Variants in PCDHGA9 observed in about 807,000 individuals in gnomAD.
PCDHGA9 encodes protocadherin gamma subfamily A, 9.
Under a neutral mutation model 62.5 loss-of-function variants are expected in PCDHGA9, and 37 were observed. The observed-to-expected ratio is 0.59, with a 90% CI of 0.46 to 0.78. The LOEUF is 0.78. Among genes scored for constraint, PCDHGA9 ranks in the 30% least tolerant of loss-of-function variants. PCDHGA9 has a pLI of 0.00. For synonymous variants in PCDHGA9, 459 were observed against 484.6 expected (o/e 0.95, Z 0.69); for missense variants, 1,138 against 1,166.2 (o/e 0.98, Z 0.35).
intron 1 of PCDHGA9, among the ~76,000 whole-genome samples, chr5:141,406,468 T>C (rs2094813433): frequency 6.6e-6 from 1 of 152,230 alleles, no homozygotes; most frequent in Admixed American, 6.5e-5. Flanking sequence ...AACACCTCTT[T>C]GAGGTTATAT....
rs112156044 is a variant in PCDHGA9, at chr5:141,476,771, G to C, written c.2425-18036G>C. ...CCAGTTAGTGCTGACGGCGTTGGAC[G>C]GAGGGACCCCAGCTCTCTCCGCCAG... On this transcript the variant is annotated intron_variant, in intron 1 of 3. Coordinates refer to ENST00000573521, the MANE Select transcript of PCDHGA9 (RefSeq NM_018921.3). The surrounding 1 kb of genome is among the most constrained non-coding windows in gnomAD (Gnocchi z 7.6). 1.1e-5 allele frequency: 18 copies of C among 1,613,700 alleles called. 1 individual carries two copies. In the South Asian group the frequency reaches 1.3e-4, roughly 12 times the overall value.
intron 1 of PCDHGA9, chr5:141,478,670 C>G: frequency 6.4e-7 from 1 of 1,551,664 alleles, no homozygotes; most frequent in East Asian, 2.4e-5. Flanking sequence ...TTCACACTTT[C>G]AACTGGCCCT....
At position 141,490,646 on chromosome 5, in the gene PCDHGA9, C is replaced by G. The variant is rs202183643; in HGVS notation, c.2425-4161C>G. The G allele has an allele frequency of 8.7e-6, 14 of 1,614,068 alleles. No homozygotes were observed. In the African/African-American group the frequency reaches 1.7e-4, roughly 20 times the overall value. ...GCTTACATCCTAGAAAACCGGCCTC[C>G]GGGCTCCCTTCTTTGCACTGTGGCT... On this transcript the variant is annotated intron_variant, in intron 1 of 3. Coordinates refer to ENST00000573521, the MANE Select transcript of PCDHGA9 (RefSeq NM_018921.3). This position sits in a 1 kb window ranked among gnomAD's most constrained non-coding sequence, Gnocchi z 5.4.
In PCDHGA9 at chr5:141,486,565, T is replaced by C; in HGVS notation, c.2425-8242T>C. ...TTCAGAGGTCACATGAGGTGTTTGT[T>C]CCTGAGAACAATCGCCCAGGGGACC... On this transcript the variant is annotated intron_variant, in intron 1 of 3. Coordinates refer to ENST00000573521, the MANE Select transcript of PCDHGA9 (RefSeq NM_018921.3). The surrounding 1 kb of genome is among the most constrained non-coding windows in gnomAD (Gnocchi z 5.0). 6.2e-7 allele frequency: 1 copy of C among 1,614,024 alleles called. No homozygotes were observed. Among genetic ancestry groups the C allele is most frequent in the Non-Finnish European group, 8.5e-7 (1 of 1,180,032 alleles).
chr5:141,429,377 G>T (rs1029180912), intron 1 of PCDHGA9, among the ~76,000 whole-genome samples: 1 of 149,434 alleles, frequency 6.7e-6, no homozygotes, highest in African/African-American at 2.5e-5. Context: ...GAGAAAATGT[G>T]TTTTTTTTTT....
intron 1 of PCDHGA9, chr5:141,423,194 C>T (rs1467994226): frequency 3.7e-6 from 6 of 1,613,588 alleles, no homozygotes; most frequent in South Asian, 1.1e-5. Context: ...CCCCCTCTCT[C>T]GGCCACCGTC....
chr5:141,478,822 T>A, intron 1 of PCDHGA9: 2 of 1,444,070 alleles, frequency 1.4e-6, no homozygotes, highest in South Asian at 1.5e-5. Context: ...AACTAACCAA[T>A]CTTGCTAAGG....
rs778372966 is a variant in PCDHGA9, at chr5:141,477,105, A to G, written c.2425-17702A>G. The G allele has an allele frequency of 7.4e-6, 12 of 1,614,106 alleles. No individual in the cohort carries two copies. The highest frequency in any genetic ancestry group is 4.0e-5 in the African/African-American group (3 of 74,934). On this transcript the variant is annotated intron_variant, in intron 1 of 3. Transcript: ENST00000573521. This position sits in a 1 kb window ranked among gnomAD's most constrained non-coding sequence, Gnocchi z 4.9. ...ATCCAGGCCAAAGACAAGGGCGCCA[A>G]TCCCGAAGGAGCACATTGCAAAGTG...
At chr5:141,488,472 T>C (rs1183465817) in intron 1 of PCDHGA9, among the ~76,000 whole-genome samples, 1 of 152,096 alleles carries the variant, frequency 6.6e-6, no homozygotes, top group East Asian at 1.9e-4. Context: ...CCAGAAATGT[T>C]CCCCTACCCA....
chr5:141,486,565 TC>T lies in PCDHGA9; in HGVS notation c.2425-8240del. The T allele has an allele frequency of 6.2e-7, 1 of 1,614,024 alleles. No homozygotes were observed. The highest frequency in any genetic ancestry group is 2.2e-5 in the East Asian group (1 of 44,880). On this transcript the variant is annotated intron_variant, in intron 1 of 3. Transcript: ENST00000573521. This position sits in a 1 kb window ranked among gnomAD's most constrained non-coding sequence, Gnocchi z 5.0. Reference sequence around the variant, plus strand: ...TTCAGAGGTCACATGAGGTGTTTGTTCCTGAGAACAATCGCCCAGGGGACCT... The same window carrying T: ...TTCAGAGGTCACATGAGGTGTTTGTTCTGAGAACAATCGCCCAGGGGACCT...
At chr5:141,436,105 A>G (rs2097796181) in intron 1 of PCDHGA9, among the ~76,000 whole-genome samples, 2 of 152,198 alleles carry the variant, frequency 1.3e-5, no homozygotes, top group African/African-American at 4.8e-5. Context: ...GAAATAGAGG[A>G]CAATGAAACC....
At position 141,404,995 on chromosome 5, in the gene PCDHGA9, T is replaced by A. The variant is rs1561697585; in HGVS notation, c.2043T>A (p.Pro681=). 1 of 1,614,008 alleles carries A rather than the reference T, an allele frequency of 6.2e-7. No homozygotes were observed. Among genetic ancestry groups the A allele is most frequent in the Non-Finnish European group, 8.5e-7 (1 of 1,179,878 alleles). ...CTGACCTGGGCAGTCTTCAGATCCC[T>A]GCAGACCTGGAGGCCTCAGACCTTA... ...ILADLGSLQI[P]ADLEASDLTL... Residue 681 remains proline, a synonymous_variant, in exon 1 of 4, where the codon CCT becomes CCA. Transcript: ENST00000573521.
At chr5:141,447,121 T>C (rs1341601610) in intron 1 of PCDHGA9, among the ~76,000 whole-genome samples, 1 of 152,104 alleles carries the variant, frequency 6.6e-6, no homozygotes, top group Non-Finnish European at 1.5e-5. Flanking sequence ...CTCCATGGAT[T>C]TTTTTGTTTG....
chr5:141,477,630 T>G lies in PCDHGA9; in HGVS notation c.2425-17177T>G. The G allele has an allele frequency of 6.2e-7, 1 of 1,614,228 alleles. No homozygotes were observed. The highest frequency in any genetic ancestry group is 8.5e-7 in the Non-Finnish European group (1 of 1,180,042). ...TTGGAGCAAGGAGCTGAAACCGGGC[T>G]AGTGGGTCGCTATTTCACAATAAAT... On this transcript the variant is annotated intron_variant, in intron 1 of 3. Coordinates refer to ENST00000573521, the MANE Select transcript of PCDHGA9 (RefSeq NM_018921.3). The surrounding 1 kb of genome is among the most constrained non-coding windows in gnomAD (Gnocchi z 4.9).
chr5:141,472,980 C>CAAAAAAAAAAAAAAAAAAAA (rs60579131), intron 1 of PCDHGA9, among the ~76,000 whole-genome samples: 7 of 86,088 alleles, frequency 8.1e-5, no homozygotes, highest in South Asian at 4.3e-4. Flanking sequence ...GAGTGAAACT[C>CAAAAAAAAAAAAAAAAAAAA]AAAAAAAAAA....
intron 1 of PCDHGA9, among the ~76,000 whole-genome samples, chr5:141,458,368 A>C (rs934670055): frequency 3.9e-5 from 6 of 152,112 alleles, no homozygotes; most frequent in Admixed American, 3.9e-4. Flanking sequence ...GAAGGAAGGG[A>C]GAAGAGAGAA....
chr5:141,478,271 A>G, intron 1 of PCDHGA9: 1 of 1,614,170 alleles, frequency 6.2e-7, no homozygotes, highest in Non-Finnish European at 8.5e-7. Flanking sequence ...CAAAGTTTAC[A>G]AGTGGAAGCA....
In PCDHGA9 at chr5:141,403,017, T is replaced by C; in HGVS notation, c.65T>C (p.Met22Thr). The C allele has an allele frequency of 6.2e-7, 1 of 1,614,064 alleles. No homozygotes were observed. The highest frequency in any genetic ancestry group is 1.1e-5 in the South Asian group (1 of 91,090). ...GTCCTGCTATGCTCGCTCCTGGGGA[T>C]GCTATGGGAGGCCAGGGCCAGTCAG... The part of the protein sequence containing the change: ...RLVLLCSLLG[M>T]LWEARASQIR... The change falls in exon 1 of 4, where the codon ATG (methionine) becomes ACG (threonine). Residue 22 changes from methionine (M) to threonine (T), a missense_variant. By Grantham distance (81) the Met-to-Thr change is moderately conservative. Transcript: ENST00000573521.
chr5:141,408,144 G>T (rs868032463), intron 1 of PCDHGA9: 1 of 1,496,068 alleles, frequency 6.7e-7, no homozygotes, highest in South Asian at 1.3e-5. Context: ...CTTTTAGCGC[G>T]GTAGAGTGCA....
Sources: gnomAD v4.1 joint callset for allele counts (sites outside exome capture counted in the v4.1 genomes callset) on GRCh38, gnomAD v4.1.1 for gene constraint, Gnocchi (gnomAD v3.1) non-coding constraint, MANE v1.5 for transcripts, NCBI Gene and HGNC (gene_info 2026-07-23, HGNC 2026-07-21) for gene names.